The following ITGB3 variants were observed in gnomAD, a reference collection of about 807,000 sequenced individuals.
The protein encoded by ITGB3 is integrin subunit beta 3.
A neutral mutation model predicts 85.8 loss-of-function variants in ITGB3; 48 were observed. The ratio of observed to expected loss-of-function variants is 0.56; its 90% CI spans 0.44 to 0.71. The LOEUF (loss-of-function observed/expected upper bound fraction) is 0.71. Among genes scored for constraint, ITGB3 ranks in the 30% least tolerant of loss-of-function variants. The pLI, the probability that ITGB3 is intolerant of heterozygous loss-of-function variation, is 0.00. For missense variants in ITGB3, 861 were observed against 1,019.1 expected, an observed-to-expected ratio of 0.84 and a Z score of 2.11; for synonymous variants, 363 against 395.6, an observed-to-expected ratio of 0.92 and a Z score of 0.98.
chr17:47,304,639 G>C (rs2065180515), intron 13 of ITGB3, among the ~76,000 whole-genome samples: 1 of 152,012 alleles, frequency 6.6e-6, no homozygotes, highest in Non-Finnish European at 1.5e-5. Context: ...ACAGAGTCTT[G>C]CTCTGTTGCC....
Position 47,310,394 on chromosome 17 carries a change from G to C in ITGB3, c.*190G>C. 3.0e-6 allele frequency: 2 copies of C among 677,744 alleles called. No homozygotes were observed. Among genetic ancestry groups the C allele is most frequent in the Non-Finnish European group, 5.4e-6 (2 of 370,704 alleles). 42.0% of individuals were successfully genotyped at this position (677,744 alleles called of 1,614,324 possible). Reference sequence around the variant, plus strand: ...TGTGGGGGTCTGTGTGTTTATGTGTGTGTGTTGTGTGTGGGAGTGTGTAAT... The same window carrying C: ...TGTGGGGGTCTGTGTGTTTATGTGTCTGTGTTGTGTGTGGGAGTGTGTAAT... On this transcript the variant is annotated 3_prime_UTR_variant, in exon 15 of 15. Transcript: ENST00000559488.
chr17:47,266,002 G>C (rs2065023883), intron 1 of ITGB3, among the ~76,000 whole-genome samples: 1 of 152,098 alleles, frequency 6.6e-6, no homozygotes, highest in Non-Finnish European at 1.5e-5. Flanking sequence ...CTACATTTAA[G>C]GAAGGACCAA....
intron 1 of ITGB3, among the ~76,000 whole-genome samples, chr17:47,272,191 G>A (rs2065046501): frequency 2.0e-5 from 3 of 151,672 alleles, no homozygotes; most frequent in African/African-American, 7.3e-5. Context: ...AAGTAGCTGG[G>A]ACCACAGGGG....
At chr17:47,280,687 C>T (rs889401487) in intron 2 of ITGB3, among the ~76,000 whole-genome samples, 5 of 152,136 alleles carry the variant, frequency 3.3e-5, no homozygotes, top group African/African-American at 1.2e-4. Flanking sequence ...TGAATGGCTC[C>T]TTGTGGCCCA....
At position 47,292,408 on chromosome 17, in the gene ITGB3, C is replaced by T. The variant is rs144502977; in HGVS notation, c.1530C>T (p.Asp510=). The change falls in exon 10 of 15, where the codon GAC becomes GAT. Residue 510 remains aspartate (D), a synonymous_variant. Transcript: ENST00000559488. The stretch of plus-strand genomic sequence containing the variant: ...AGGACTATCGCCCTTCCCAGCAGGA[C>T]GAATGCAGCCCCCGGGAGGGTCAGC... The part of the protein sequence containing the change: ...SEEDYRPSQQ[D]ECSPREGQPV... 79 of 1,612,744 alleles carry T rather than the reference C, an allele frequency of 4.9e-5. No homozygotes were observed. Among genetic ancestry groups the T allele is most frequent in the East Asian group, 3.6e-4 (16 of 44,848 alleles).
chr17:47,294,766 C>T (rs1477767529), intron 10 of ITGB3, among the ~76,000 whole-genome samples: 1 of 152,206 alleles, frequency 6.6e-6, no homozygotes, highest in Non-Finnish European at 1.5e-5. Context: ...CCTGACCTCT[C>T]CAAGCTTAAA....
intron 13 of ITGB3, among the ~76,000 whole-genome samples, chr17:47,304,856 C>T (rs1372082671): frequency 6.6e-6 from 1 of 152,134 alleles, no homozygotes; most frequent in Admixed American, 6.5e-5. Flanking sequence ...GATCTGGCTG[C>T]CTTGGCCTCC....
At chr17:47,277,400 A>G (rs2065067923) in intron 2 of ITGB3, among the ~76,000 whole-genome samples, 1 of 152,150 alleles carries the variant, frequency 6.6e-6, no homozygotes, top group Non-Finnish European at 1.5e-5. Context: ...GTCAAGGTGG[A>G]TGGAGGTGGA....
In ITGB3 at chr17:47,299,276, CG is replaced by C; in HGVS notation, c.1691-29del. On this transcript the variant is annotated intron_variant, in intron 10 of 14. Transcript: ENST00000559488. The surrounding 1 kb of genome is among the most constrained non-coding windows in gnomAD (Gnocchi z 5.1). ...GCCATGGGAGTGGAGCTCTCGCCAG[CG>C]GGTCCACCTTCCTGGGCTGTGTGTT... is the stretch of plus-strand genomic sequence containing the variant. 1 of 1,600,854 alleles carries C rather than the reference CG, an allele frequency of 6.2e-7. No homozygotes were observed.
chr17:47,290,402 C>G (rs368020018), intron 8 of ITGB3, 128 bp downstream of exon 8: 1 of 823,628 alleles, frequency 1.2e-6, no homozygotes, highest in East Asian at 2.4e-5. Flanking sequence ...CCGTGTGCTC[C>G]CAGAGCCCAG....
chr17:47,292,872 A>T (rs535412188), intron 10 of ITGB3, among the ~76,000 whole-genome samples: 1 of 152,360 alleles, frequency 6.6e-6, no homozygotes, highest in South Asian at 2.1e-4. Context: ...GGAAAAGAGT[A>T]GTATATATGC....
intron 13 of ITGB3, 109 bp from the exon 14 acceptor site, chr17:47,307,362 A>G (rs2065192444): frequency 3.2e-6 from 4 of 1,248,436 alleles, no homozygotes; most frequent in Admixed American, 1.8e-5. Context: ...AAACTGTCCT[A>G]TTTCCTTCAA....
rs1419134451 is a variant in ITGB3, at chr17:47,284,464, T to C, written c.383T>C (p.Ile128Thr). The C allele has an allele frequency of 6.2e-7, 1 of 1,614,086 alleles. No homozygotes were observed. Among genetic ancestry groups the C allele is most frequent in the South Asian group, 1.1e-5 (1 of 91,080 alleles). Residue 128 changes from isoleucine (I) to threonine (T), a missense_variant, in exon 4 of 15, where the codon ATC becomes ACC. By Grantham distance (89) the Ile-to-Thr change is moderately conservative. Transcript: ENST00000559488. ...CCAGATGATTCGAAGAATTTCTCCA[T>C]CCAAGTGCGGCAGGTGGAGGATTAC... ...LRPDDSKNFS[I>T]QVRQVEDYPV...
rs1426301712 is a variant in ITGB3 at position 47,310,630 on chromosome 17, C to G, written c.*426C>G. On this transcript the variant is annotated 3_prime_UTR_variant, in exon 15 of 15. Coordinates refer to ENST00000559488, the MANE Select transcript of ITGB3 (RefSeq NM_000212.3). ...GCCTCTCATTCCAGAGGAAGGGACA[C>G]CAAGCCTTGGCTCTACCCTGAGTTC... 2 of 300,344 alleles carry G rather than the reference C, an allele frequency of 6.7e-6. No homozygotes were observed. Among genetic ancestry groups the G allele is most frequent in the African/African-American group, 4.3e-5 (2 of 46,330 alleles). The allele number at this position is 300,344 out of a possible 1,614,324, so 18.6% of individuals were successfully genotyped here.
At chr17:47,265,958 T>A (rs2065023795) in intron 1 of ITGB3, among the ~76,000 whole-genome samples, 1 of 152,202 alleles carries the variant, frequency 6.6e-6, no homozygotes, top group African/African-American at 2.4e-5. Context: ...CACCTCCCTG[T>A]CTCCTTCTCC....
At chr17:47,261,798 G>T (rs1421574610) in intron 1 of ITGB3, among the ~76,000 whole-genome samples, 1 of 152,170 alleles carries the variant, frequency 6.6e-6, no homozygotes, top group South Asian at 2.1e-4. Context: ...GGGATTACAC[G>T]CATAAGCCAC....
intron 10 of ITGB3, among the ~76,000 whole-genome samples, chr17:47,294,895 G>A (rs1230471313): frequency 2.0e-5 from 3 of 152,202 alleles, no homozygotes; most frequent in East Asian, 1.9e-4. Context: ...CCCATGGCCT[G>A]TAAGCATGGC....
In ITGB3 at chr17:47,284,587, G is replaced by A. The variant is rs5917; in HGVS notation, c.506G>A (p.Arg169Gln). 1,139 of 1,614,120 alleles carry A rather than the reference G, an allele frequency of 7.1e-4. 8 individuals are homozygous for A. In the Admixed American group the frequency reaches 0.011, roughly 16 times the overall value. ...GGTACCAAGCTGGCCACCCAGATGC[G>A]AAAGCTCACCAGTAACCTGCGGATT... ...NLGTKLATQM[R>Q]KLTSNLRIGF... The change falls in exon 4 of 15, where the codon CGA (arginine) becomes CAA (glutamine). Residue 169 changes from arginine to glutamine, a missense_variant. Physicochemically the swap from Arg to Gln is conservative, Grantham distance 43. Transcript: ENST00000559488.
chr17:47,308,566 G>A (rs995647221), intron 14 of ITGB3, among the ~76,000 whole-genome samples: 4 of 151,980 alleles, frequency 2.6e-5, no homozygotes, highest in South Asian at 4.2e-4. Context: ...TGAGTGTAGC[G>A]ATCTTGGCTC....
Sources: allele counts gnomAD v4.1 joint callset (sites outside exome capture counted in the v4.1 genomes callset), GRCh38; gene constraint gnomAD v4.1.1; non-coding constraint Gnocchi (gnomAD v3.1); transcripts MANE v1.5; gene names NCBI Gene and HGNC (gene_info 2026-07-23, HGNC 2026-07-21).